SLC24A3: variants seen among roughly 807,000 people sequenced by gnomAD.
The protein encoded by SLC24A3 is sodium/potassium/calcium exchanger 3.
A neutral mutation model predicts 75.8 loss-of-function variants in SLC24A3; 28 were observed. That is an observed-to-expected ratio of 0.37 (90% CI 0.27 to 0.51). The LOEUF is 0.51. SLC24A3 is among the 20% of genes least tolerant of loss of function. The pLI is 0.94. For synonymous variants in SLC24A3, 372 were observed against 334.1 expected (o/e 1.11, Z -1.24); for missense variants, 663 against 847.8 (o/e 0.78, Z 2.71).
intron 3 of SLC24A3, among the ~76,000 whole-genome samples, chr20:19,525,870 C>T (rs926675147): frequency 2.6e-5 from 4 of 152,134 alleles, no homozygotes; most frequent in Non-Finnish European, 5.9e-5. Flanking sequence ...ATTCCACAGG[C>T]GCGGCTGTGC....
intron 15 of SLC24A3, among the ~76,000 whole-genome samples, chr20:19,704,266 G>T (rs138758477): frequency 1.3e-5 from 2 of 152,128 alleles, no homozygotes; most frequent in African/African-American, 4.8e-5. Flanking sequence ...CTTGAGAAGA[G>T]AGTAGGGGGG....
chr20:19,323,024 GTGAAACCCCGTCTCTA>G (rs1477653301), intron 2 of SLC24A3, among the ~76,000 whole-genome samples: 6 of 151,782 alleles, frequency 4.0e-5, no homozygotes, highest in Non-Finnish European at 7.4e-5. Context: ...GGCTAACACG[GTGAAACCCCGTCTCTA>G]CTAAAAATAC....
intron 3 of SLC24A3, among the ~76,000 whole-genome samples, chr20:19,524,972 C>T (rs1031031403): frequency 6.6e-6 from 1 of 152,192 alleles, no homozygotes; most frequent in African/African-American, 2.4e-5. Flanking sequence ...TCCATGTTGG[C>T]GCTCAATGGT....
chr20:19,717,127 G>A (rs867225378), intron 15 of SLC24A3, among the ~76,000 whole-genome samples: 33 of 152,218 alleles, frequency 2.2e-4, no homozygotes, highest in African/African-American at 8.0e-4. Context: ...CCCATGTCAT[G>A]AAATTCATCC....
intron 2 of SLC24A3, among the ~76,000 whole-genome samples, chr20:19,421,271 G>A (rs1986912639): frequency 8.9e-6 from 1 of 112,082 alleles, no homozygotes; most frequent in South Asian, 3.7e-4. Flanking sequence ...TACAACATGG[G>A]AGAAAATTTT....
At chr20:19,382,885 C>A (rs1261590397) in intron 2 of SLC24A3, among the ~76,000 whole-genome samples, 1 of 152,158 alleles carries the variant, frequency 6.6e-6, no homozygotes, top group African/African-American at 2.4e-5. Context: ...CGCCCCATGT[C>A]TCTACGGCAA....
intron 2 of SLC24A3, among the ~76,000 whole-genome samples, chr20:19,429,149 C>T (rs1157659499): frequency 6.6e-6 from 1 of 152,230 alleles, no homozygotes; most frequent in Non-Finnish European, 1.5e-5. Flanking sequence ...GAGGTATGAA[C>T]TGTGTTTAAC....
chr20:19,572,316 A>G (rs2031065410), intron 3 of SLC24A3, among the ~76,000 whole-genome samples: 1 of 152,212 alleles, frequency 6.6e-6, no homozygotes, highest in Non-Finnish European at 1.5e-5. Context: ...ACTGAACTCC[A>G]GTCTGGGCAA....
chr20:19,623,758 T>C (rs541997647), intron 6 of SLC24A3, among the ~76,000 whole-genome samples: 3 of 152,242 alleles, frequency 2.0e-5, no homozygotes, highest in Non-Finnish European at 4.4e-5. Context: ...TGTCTTAATA[T>C]CCAGTGGTGG....
At chr20:19,588,629 A>G (rs1174762482) in intron 6 of SLC24A3, among the ~76,000 whole-genome samples, 5 of 152,248 alleles carry the variant, frequency 3.3e-5, no homozygotes, top group Admixed American at 2.0e-4. Context: ...ACTTCAAGAC[A>G]TTTACAAGGC....
In SLC24A3 at chr20:19,452,376, A is replaced by ATGTGTGTGTGTGTG. The variant is rs34840970; in HGVS notation, c.272-63076_272-63063dup. Among the ~76,000 whole-genome samples, 568 of 113,048 alleles carry ATGTGTGTGTGTGTG rather than the reference A, an allele frequency of 5.0e-3. 18 individuals are homozygous for ATGTGTGTGTGTGTG. The highest frequency in any genetic ancestry group is 0.02 in the East Asian group (66 of 3,296). 74.2% of individuals were successfully genotyped at this position (113,048 alleles called of 152,430 possible). On this transcript the variant is annotated intron_variant, in intron 2 of 16. Coordinates refer to ENST00000328041, the MANE Select transcript of SLC24A3 (RefSeq NM_020689.4). ...TGGTCAATGTGGGATCCTGTGGGGG[A>ATGTGTGTGTGTGTG]TGTGTGTGTGTGTGTGTGTGTGTGT...
chr20:19,274,672 C>T (rs909281348), intron 1 of SLC24A3, among the ~76,000 whole-genome samples: 4 of 152,198 alleles, frequency 2.6e-5, no homozygotes, highest in African/African-American at 9.6e-5. Context: ...TCCACTGCTC[C>T]CCTCTTCATC....
rs534285167 is a variant in SLC24A3 at position 19,563,310 on chromosome 20, TC to T, written c.349-16689del. ...CAAGTTAAATAAAATGTGTTCACTG[TC>T]TAAATATTAAATATTAAAACTTCAA... On this transcript the variant is annotated intron_variant, in intron 3 of 16. Coordinates refer to ENST00000328041, the MANE Select transcript of SLC24A3 (RefSeq NM_020689.4). Among the ~76,000 whole-genome samples the T allele has an allele frequency of 1.7e-3, 266 of 152,310 alleles. 1 individual carries two copies. The highest frequency in any genetic ancestry group is 2.9e-3 in the Non-Finnish European group (198 of 68,028).
chr20:19,597,152 G>A (rs919052188), intron 6 of SLC24A3, among the ~76,000 whole-genome samples: 2 of 149,618 alleles, frequency 1.3e-5, no homozygotes, highest in African/African-American at 5.0e-5. Context: ...GAAGGCCAAG[G>A]TGGGTGGATT....
At chr20:19,565,336 C>A (rs2030938259) in intron 3 of SLC24A3, among the ~76,000 whole-genome samples, 2 of 151,880 alleles carry the variant, frequency 1.3e-5, no homozygotes, top group African/African-American at 4.8e-5. Context: ...AATGAACTAC[C>A]TTAGGCTACT....
At chr20:19,301,303 C>A (rs893365456) in intron 2 of SLC24A3, among the ~76,000 whole-genome samples, 3 of 152,164 alleles carry the variant, frequency 2.0e-5, no homozygotes, top group Non-Finnish European at 4.4e-5. Context: ...GATTAGTGAG[C>A]AATTAGTGGG....
At chr20:19,676,866 C>T (rs1042815573) in intron 9 of SLC24A3, among the ~76,000 whole-genome samples, 2 of 152,224 alleles carry the variant, frequency 1.3e-5, no homozygotes, top group African/African-American at 4.8e-5. Context: ...CAGTGCCTCA[C>T]ATTCAGCCCT....
At chr20:19,541,054 G>T (rs143079413) in intron 3 of SLC24A3, among the ~76,000 whole-genome samples, 17 of 152,330 alleles carry the variant, frequency 1.1e-4, no homozygotes, top group African/African-American at 4.1e-4. Flanking sequence ...ACTGCTTTAA[G>T]AAAACCCCAT....
intron 2 of SLC24A3, among the ~76,000 whole-genome samples, chr20:19,488,271 C>T (rs899613802): frequency 6.6e-6 from 1 of 152,188 alleles, no homozygotes; most frequent in African/African-American, 2.4e-5. Flanking sequence ...GGGACTTGGC[C>T]CTCTCATCCC....
Sources: allele counts gnomAD v4.1 joint callset (sites outside exome capture counted in the v4.1 genomes callset), GRCh38; gene constraint gnomAD v4.1.1; transcripts MANE v1.5; gene names NCBI Gene and HGNC (gene_info 2026-07-23, HGNC 2026-07-21).